CUL2: variants seen among roughly 807,000 people sequenced by gnomAD.
CUL2 encodes the protein cullin 2, also known as cullin-2.
In CUL2, 22 loss-of-function variants were observed where a neutral mutation model predicts 110.2. The observed-to-expected ratio is 0.20, with a 90% CI of 0.14 to 0.28. The LOEUF (loss-of-function observed/expected upper bound fraction) is 0.28, where lower values mean the gene tolerates loss of function less well. Among genes scored for constraint, CUL2 ranks in the 10% least tolerant of loss-of-function variants. The pLI, the probability that CUL2 is intolerant of heterozygous loss-of-function variation, is 1.00. For synonymous variants in CUL2, 279 were observed against 293.2 expected (o/e 0.95, Z 0.49); for missense variants, 631 against 905.5 (o/e 0.70, Z 3.89).
intron 1 of CUL2, among the ~76,000 whole-genome samples, chr10:35,116,277 AG>A (rs992020804): frequency 1.2e-4 from 18 of 151,904 alleles, no homozygotes; most frequent in Admixed American, 3.9e-4. Context: ...TGGGAGGTGG[AG>A]GTTGTGTAGC....
At chr10:35,124,026 G>C (rs1224275589) in intron 1 of CUL2, among the ~76,000 whole-genome samples, 2 of 152,124 alleles carry the variant, frequency 1.3e-5, no homozygotes, top group African/African-American at 4.8e-5. Context: ...ATTCAGGAGG[G>C]AGACTATGTT....
intron 19 of CUL2, among the ~76,000 whole-genome samples, chr10:35,013,024 T>C (rs2084942354): frequency 1.3e-5 from 2 of 152,182 alleles, no homozygotes; most frequent in South Asian, 2.1e-4. Context: ...AAGCATTTTC[T>C]ACTGACAAAT....
intron 1 of CUL2, among the ~76,000 whole-genome samples, chr10:35,116,117 C>T (rs754079281): frequency 6.6e-6 from 1 of 151,998 alleles, no homozygotes; most frequent in South Asian, 2.1e-4. Flanking sequence ...CCGAGGTGGG[C>T]AGATAACCTG....
chr10:35,029,832 G>T (rs1379837581), intron 14 of CUL2, among the ~76,000 whole-genome samples, 192 bp from the exon 15 acceptor site: 1 of 152,122 alleles, frequency 6.6e-6, no homozygotes, highest in East Asian at 1.9e-4. Context: ...TCTTTTTAAA[G>T]ACGTATTTTA....
intron 1 of CUL2, among the ~76,000 whole-genome samples, chr10:35,084,986 G>C (rs550479868): frequency 6.6e-6 from 1 of 151,746 alleles, no homozygotes; most frequent in Non-Finnish European, 1.5e-5. Flanking sequence ...TGGGGGTGGT[G>C]GTGGGCGCCT....
Position 35,038,903 on chromosome 10 carries a change from T to C in CUL2, c.877+17A>G, listed in dbSNP as rs373325411. 3 of 1,551,048 alleles carry C rather than the reference T, an allele frequency of 1.9e-6. No homozygotes were observed. Among genetic ancestry groups the C allele is most frequent in the Non-Finnish European group, 2.6e-6 (3 of 1,137,474 alleles). On this transcript the variant is annotated intron_variant, in intron 9 of 20. Transcript: ENST00000374749. ...GGATTTATAATTTAATTTCTACTCA[T>C]GTTTGGTGTCACTTACCATTTTTTT...
intron 1 of CUL2, among the ~76,000 whole-genome samples, chr10:35,125,956 A>G (rs1442836909): frequency 2.0e-5 from 3 of 152,002 alleles, no homozygotes; most frequent in African/African-American, 4.8e-5. Context: ...CAGCCTCCCA[A>G]CTAGCTGGGA....
intron 17 of CUL2, among the ~76,000 whole-genome samples, chr10:35,017,843 A>G (rs540930860): frequency 1.7e-4 from 25 of 151,302 alleles, no homozygotes; most frequent in Admixed American, 4.0e-4. Flanking sequence ...TATGGCAAAC[A>G]TGTCTACACT....
At chr10:35,063,196 G>A (rs1222929322) in intron 2 of CUL2, 134 bp from the exon 3 acceptor site, 9 of 545,758 alleles carry the variant, frequency 1.6e-5, no homozygotes, top group Admixed American at 1.0e-4. Context: ...TAATACTGTT[G>A]TATATATGAC....
At chr10:35,028,570 T>A (rs2505642) in intron 16 of CUL2, among the ~76,000 whole-genome samples, 2,523 of 152,312 alleles carry the variant, frequency 0.017, 30 homozygotes, top group South Asian at 0.026. Context: ...ATGATAGACT[T>A]ACTCAGAATA....
chr10:35,107,837 G>A (rs569066497), intron 1 of CUL2, among the ~76,000 whole-genome samples: 12 of 125,608 alleles, frequency 9.6e-5, no homozygotes, highest in African/African-American at 1.6e-4. Context: ...AGCCTAGATC[G>A]CGCCACTGCA....
chr10:35,088,576 G>A (rs1291134368), intron 1 of CUL2, among the ~76,000 whole-genome samples: 2 of 150,350 alleles, frequency 1.3e-5, no homozygotes, highest in South Asian at 2.1e-4. Flanking sequence ...AGCCCTGCTT[G>A]ACAAATAAAC....
intron 17 of CUL2, among the ~76,000 whole-genome samples, chr10:35,017,743 G>C (rs1490420734): frequency 6.6e-6 from 1 of 151,376 alleles, no homozygotes; most frequent in African/African-American, 2.4e-5. Flanking sequence ...AGCTCTAAGA[G>C]ATAGAGCAAG....
At chr10:35,098,241 C>T (rs2087326654) in intron 2 of CUL2, 2 of 151,974 alleles carry the variant, frequency 1.3e-5, no homozygotes, top group Non-Finnish European at 2.9e-5. Flanking sequence ...AAAAGCTGCA[C>T]TGAAAAAGAA....
At chr10:35,095,052 A>G (rs1353386902), upstream of CUL2, among the ~76,000 whole-genome samples, 3 of 152,142 alleles carry the variant, frequency 2.0e-5, no homozygotes, top group Non-Finnish European at 4.4e-5. Context: ...ACAATGGCTC[A>G]CACTTGTAAT....
rs777067502 is a variant in CUL2 at position 35,063,011 on chromosome 10, A to G, written c.171T>C (p.Leu57=). Residue 57 remains leucine (L), a synonymous_variant, in exon 3 of 21, where the codon CTT becomes CTC. Coordinates refer to ENST00000374749, the MANE Select transcript of CUL2 (RefSeq NM_003591.4). ...VAYPEPLGER[L]YTETKIFLEN... is the part of the protein sequence containing the mutation. ...CCAAAAAAATCTTAGTTTCTGTATAAAGTCTTTCTCCAAGGGGTTCAGGAT... is the reference window on the plus strand; with the variant it reads ...CCAAAAAAATCTTAGTTTCTGTATAGAGTCTTTCTCCAAGGGGTTCAGGAT... 6.2e-7 allele frequency: 1 copy of G among 1,612,074 alleles called. No individual in the cohort carries two copies. The highest frequency in any genetic ancestry group is 1.1e-5 in the South Asian group (1 of 90,946).
At position 35,060,876 on chromosome 10, in the gene CUL2, A is replaced by G. The variant is rs1267160042; in HGVS notation, c.315T>C (p.Tyr105=). The change falls in exon 4 of 21, where the codon TAT becomes TAC. Residue 105 remains tyrosine, a splice_region_variant and synonymous_variant. Coordinates refer to ENST00000374749, the MANE Select transcript of CUL2 (RefSeq NM_003591.4). ...SKGADYMDCL[Y]RYLNTQFIKK... is the part of the protein sequence containing the mutation. ...CTAGATTTTAAAGGCACACTCACCT[A>G]TATAAGCAGTCCATATAGTCTGCAC... is the stretch of plus-strand genomic sequence containing the variant. 1 of 1,611,272 alleles carries G rather than the reference A, an allele frequency of 6.2e-7. No individual in the cohort carries two copies. The highest frequency in any genetic ancestry group is 1.3e-5 in the African/African-American group (1 of 74,910).
At chr10:35,025,353 C>T (rs571625651) in intron 16 of CUL2, among the ~76,000 whole-genome samples, 155 bp from the exon 17 acceptor site, 2 of 152,294 alleles carry the variant, frequency 1.3e-5, no homozygotes, top group African/African-American at 4.8e-5. Context: ...GGAGAAAGCA[C>T]GTTCCTGTGG....
At chr10:35,029,160 C>CAAT (rs912833789) in intron 15 of CUL2, among the ~76,000 whole-genome samples, 1 of 151,882 alleles carries the variant, frequency 6.6e-6, no homozygotes, top group Non-Finnish European at 1.5e-5. Flanking sequence ...GGGGTTCAAG[C>CAAT]AATTCTCCTG....
Sources: allele counts gnomAD v4.1 joint callset (sites outside exome capture counted in the v4.1 genomes callset), GRCh38; gene constraint gnomAD v4.1.1; transcripts MANE v1.5; gene names NCBI Gene and HGNC (gene_info 2026-07-23, HGNC 2026-07-21).